Variants in PCDHA11 observed in about 807,000 individuals in gnomAD.
PCDHA11 encodes the protein protocadherin alpha 11, also known as protocadherin alpha-11.
Under a neutral mutation model 70.3 loss-of-function variants are expected in PCDHA11, and 61 were observed. That is an observed-to-expected ratio of 0.87 (90% CI 0.71 to 1.07). The LOEUF is 1.07. PCDHA11 is among the 50% of genes least tolerant of loss of function. PCDHA11 has a pLI of 0.00. For synonymous variants in PCDHA11, 633 were observed against 555.1 expected (o/e 1.14, Z -1.97); for missense variants, 1,324 against 1,237.5 (o/e 1.07, Z -1.05).
chr5:141,000,185 G>A (rs1434179793), intron 3 of PCDHA11, among the ~76,000 whole-genome samples: 1 of 151,896 alleles, frequency 6.6e-6, no homozygotes, highest in African/African-American at 2.4e-5. Flanking sequence ...AGGAGTCAAT[G>A]TGAGAATAGT....
intron 1 of PCDHA11, among the ~76,000 whole-genome samples, chr5:140,893,506 A>G (rs2064024014): frequency 1.3e-5 from 2 of 152,170 alleles, no homozygotes; most frequent in African/African-American, 4.8e-5. Flanking sequence ...AGAAAAAAAA[A>G]GCAGTTGTAG....
Position 140,870,154 on chromosome 5 carries a change from G to A in PCDHA11, c.1051G>A (p.Val351Met), listed in dbSNP as rs1243170344. The A allele has an allele frequency of 1.2e-6, 2 of 1,614,130 alleles. No homozygotes were observed. The highest frequency in any genetic ancestry group is 8.5e-7 in the Non-Finnish European group (1 of 1,180,032). ...CAACGATAACTCTCCTGAAGTCGCC[G>A]TGACTTCCTTGTCCCTCCCAGTACG... ...DTNDNSPEVAVTSLSLPVRED... is the reference protein window; with the variant it reads ...DTNDNSPEVAMTSLSLPVRED... The change falls in exon 1 of 4, where the codon GTG (valine) becomes ATG (methionine). Residue 351 changes from valine (V) to methionine (M), a missense_variant. Transcript: ENST00000398640.
At chr5:140,965,356 A>T (rs1554227617) in intron 1 of PCDHA11, among the ~76,000 whole-genome samples, 3 of 152,194 alleles carry the variant, frequency 2.0e-5, no homozygotes, top group African/African-American at 7.2e-5. Flanking sequence ...CCTCTATAGC[A>T]GTACAAGAGG....
chr5:140,926,353 C>T (rs1402316154), intron 1 of PCDHA11: 1 of 152,272 alleles, frequency 6.6e-6, no homozygotes, highest in Non-Finnish European at 1.5e-5. Flanking sequence ...ACGCGCGGCT[C>T]CCAAAGGGCG....
chr5:140,995,800 A>G (rs180764210), intron 3 of PCDHA11, among the ~76,000 whole-genome samples: 3 of 152,282 alleles, frequency 2.0e-5, no homozygotes, highest in Non-Finnish European at 2.9e-5. Context: ...GTCTCATGTT[A>G]GTTTCTGAAG....
intron 1 of PCDHA11, among the ~76,000 whole-genome samples, chr5:140,974,521 G>GT (rs1223492348): frequency 3.0e-4 from 45 of 152,208 alleles, no homozygotes; most frequent in African/African-American, 1.0e-3. Flanking sequence ...TTTTATTTTA[G>GT]TTTTTTTGAG....
intron 1 of PCDHA11, among the ~76,000 whole-genome samples, chr5:140,940,929 A>G (rs2092704989): frequency 1.3e-5 from 2 of 152,230 alleles, no homozygotes; most frequent in Non-Finnish European, 2.9e-5. Flanking sequence ...CTCCTTGGCT[A>G]CTTAGACTAC....
At chr5:140,892,083 C>T (rs1019565386) in intron 1 of PCDHA11, among the ~76,000 whole-genome samples, 5 of 152,144 alleles carry the variant, frequency 3.3e-5, no homozygotes, top group African/African-American at 1.2e-4. Context: ...TTTCTAGTTT[C>T]CTCTCGAAAC....
chr5:140,898,671 G>A lies in PCDHA11; in HGVS notation c.2391+27177G>A, dbSNP rs1419362877. 2.2e-4 allele frequency among the ~76,000 whole-genome samples: 33 copies of A among 152,200 alleles called. No homozygotes were observed. The East Asian group carries it at 2.3e-3, about 11-fold the overall frequency. On this transcript the variant is annotated intron_variant, in intron 1 of 3. Transcript: ENST00000398640. ...TGGCTTAGGATTGACTTGGTGTTGCGGGCTGTTTTTTGGTTCCATATGAAC... is the reference window on the plus strand; with the variant it reads ...TGGCTTAGGATTGACTTGGTGTTGCAGGCTGTTTTTTGGTTCCATATGAAC...
rs1255289031 is a variant in PCDHA11 at position 141,010,188 on chromosome 5, T to C, written c.*251T>C. On this transcript the variant is annotated 3_prime_UTR_variant, in exon 4 of 4. Transcript: ENST00000398640. Reference sequence around the variant, plus strand: ...CAGAACCTAAAAAGCAGACCCAAGTTTCCTTTCTCCTCCGCCGCAAAGGAG... The same window carrying C: ...CAGAACCTAAAAAGCAGACCCAAGTCTCCTTTCTCCTCCGCCGCAAAGGAG... 1.3e-6 allele frequency: 2 copies of C among 1,552,952 alleles called. No individual in the cohort carries two copies. Among genetic ancestry groups the C allele is most frequent in the Non-Finnish European group, 8.7e-7 (1 of 1,147,482 alleles).
At chr5:140,925,690 G>GT (rs2082677818) in intron 1 of PCDHA11, among the ~76,000 whole-genome samples, 1 of 149,642 alleles carries the variant, frequency 6.7e-6, no homozygotes, top group African/African-American at 2.5e-5. Flanking sequence ...GCGAGGGTGG[G>GT]TATCTAGCCT....
chr5:140,871,278 G>A lies in PCDHA11; in HGVS notation c.2175G>A (p.Thr725=). Residue 725 remains threonine (T), a synonymous_variant, in exon 1 of 4, where the codon ACG becomes ACA. Coordinates refer to ENST00000398640, the MANE Select transcript of PCDHA11 (RefSeq NM_018902.5). ...LLYTALWWSA[T]PTEGACAPGK... ...ATACGGCGCTGTGGTGGTCGGCAAC[G>A]CCCACTGAGGGCGCGTGCGCGCCGG... 1 of 1,613,918 alleles carries A rather than the reference G, an allele frequency of 6.2e-7. No individual in the cohort carries two copies. The highest frequency in any genetic ancestry group is 1.3e-5 in the African/African-American group (1 of 75,074).
intron 1 of PCDHA11, among the ~76,000 whole-genome samples, chr5:140,946,611 A>AAT (rs1554217734): frequency 0.018 from 1,579 of 86,716 alleles, 89 homozygotes; most frequent in African/African-American, 0.026. Flanking sequence ...GAAAATGTGA[A>AAT]ATATATATAT....
chr5:140,896,366 C>T (rs905088200), intron 1 of PCDHA11, among the ~76,000 whole-genome samples: 1 of 152,090 alleles, frequency 6.6e-6, no homozygotes, highest in Non-Finnish European at 1.5e-5. Context: ...TATAAGCATT[C>T]CCTTTTCTCT....
At chr5:140,979,354 A>G (rs1205411040) in intron 2 of PCDHA11, among the ~76,000 whole-genome samples, 1 of 151,576 alleles carries the variant, frequency 6.6e-6, no homozygotes. Context: ...ATTAATACTC[A>G]TGCTTTGAGA....
At chr5:140,922,910 A>C (rs1418606862) in intron 1 of PCDHA11, among the ~76,000 whole-genome samples, 4 of 152,228 alleles carry the variant, frequency 2.6e-5, no homozygotes, top group Admixed American at 2.6e-4. Flanking sequence ...TTGAGATACA[A>C]ATAAACTTCA....
intron 1 of PCDHA11, among the ~76,000 whole-genome samples, chr5:140,936,829 CTA>C (rs1370139349): frequency 5.9e-5 from 9 of 152,026 alleles, no homozygotes; most frequent in African/African-American, 1.7e-4. Flanking sequence ...CTTTGCATTT[CTA>C]TATAAATTGT....
At chr5:140,874,372 A>C (rs1055265865) in intron 1 of PCDHA11, among the ~76,000 whole-genome samples, 1 of 152,362 alleles carries the variant, frequency 6.6e-6, no homozygotes, top group South Asian at 2.1e-4. Context: ...TAAACTCATG[A>C]AAGGTCTTTT....
chr5:140,882,737 G>C lies in PCDHA11; in HGVS notation c.2391+11243G>C, dbSNP rs1375859660. The C allele has an allele frequency of 3.7e-6, 6 of 1,614,090 alleles. No homozygotes were observed. In the East Asian group the frequency reaches 1.1e-4, roughly 30 times the overall value. ...GGAAACTCGATTTCCACTAGATGGC[G>C]CATCCGATGCAGATATTGGAGTAAA... On this transcript the variant is annotated intron_variant, in intron 1 of 3. Transcript: ENST00000398640.
Sources: allele counts gnomAD v4.1 joint callset (sites outside exome capture counted in the v4.1 genomes callset), GRCh38; gene constraint gnomAD v4.1.1; transcripts MANE v1.5; gene names NCBI Gene and HGNC (gene_info 2026-07-23, HGNC 2026-07-21).